PTPRD: variants seen among roughly 807,000 people sequenced by gnomAD.
The protein encoded by PTPRD is receptor-type tyrosine-protein phosphatase delta.
A neutral mutation model predicts 214.5 loss-of-function variants in PTPRD; 34 were observed. The ratio of observed to expected loss-of-function variants is 0.16; its 90% CI spans 0.12 to 0.21. The LOEUF is 0.21. Among genes scored for constraint, PTPRD ranks in the 10% least tolerant of loss-of-function variants. PTPRD has a pLI of 1.00. For missense variants in PTPRD, 2,545 were observed against 2,398.7 expected (o/e 1.06, Z -1.27); for synonymous variants, 1,128 against 845.7 (o/e 1.33, Z -5.79).
chr9:9,025,378 AC>A (rs1311537729), intron 10 of PTPRD, among the ~76,000 whole-genome samples: 1 of 152,016 alleles, frequency 6.6e-6, no homozygotes, highest in Non-Finnish European at 1.5e-5. Flanking sequence ...ATAGAATGTG[AC>A]TTCTTTGAGC....
chr9:10,539,008 G>C (rs1260254185), intron 2 of PTPRD, among the ~76,000 whole-genome samples: 2 of 152,030 alleles, frequency 1.3e-5, no homozygotes, highest in African/African-American at 4.8e-5. Context: ...GTAAAGTTTT[G>C]GTAATGGCTC....
intron 8 of PTPRD, among the ~76,000 whole-genome samples, chr9:9,404,041 C>T (rs939852347): frequency 1.9e-4 from 29 of 151,718 alleles, no homozygotes; most frequent in Admixed American, 1.9e-3. Flanking sequence ...GACTTGTGTA[C>T]ACTTATATTC....
intron 12 of PTPRD, among the ~76,000 whole-genome samples, chr9:8,690,095 G>A (rs1398309987): frequency 7.0e-6 from 1 of 143,082 alleles, no homozygotes; most frequent in Non-Finnish European, 1.5e-5. Flanking sequence ...GAGTTACAGC[G>A]AGACTCCATC....
intron 5 of PTPRD, among the ~76,000 whole-genome samples, chr9:9,925,013 C>A (rs60587294): frequency 6.6e-6 from 1 of 151,880 alleles, no homozygotes; most frequent in African/African-American, 2.4e-5. Context: ...TAGTCAATAC[C>A]GAGTAGCAAT....
At position 8,331,736 on chromosome 9, in the gene PTPRD, C is replaced by G. The variant is rs2131656917; in HGVS notation, c.5380G>C (p.Asp1794His). ...LREFKVTDARDGQSRTVRQFQ... is the reference protein window; with the variant it reads ...LREFKVTDARHGQSRTVRQFQ... ...TGCCTTACTGTTCGGGACTGGCCGTCCTTTAGAAGGAAAGCCACATACCCG... is the reference window on the plus strand; with the variant it reads ...TGCCTTACTGTTCGGGACTGGCCGTGCTTTAGAAGGAAAGCCACATACCCG... Residue 1794 changes from aspartate (D) to histidine (H), a missense_variant and splice_region_variant, in exon 44 of 46, where the codon GAC becomes CAC. Transcript: ENST00000381196. 6.3e-7 allele frequency: 1 copy of G among 1,585,564 alleles called. No individual in the cohort carries two copies. Among genetic ancestry groups the G allele is most frequent in the Non-Finnish European group, 8.6e-7 (1 of 1,167,266 alleles).
intron 12 of PTPRD, among the ~76,000 whole-genome samples, chr9:8,644,705 C>T (rs1292557803): frequency 6.6e-6 from 1 of 152,176 alleles, no homozygotes; most frequent in African/African-American, 2.4e-5. Flanking sequence ...CGCTGCCTCA[C>T]GGAGAACTGG....
chr9:8,653,769 G>T (rs2096857837), intron 12 of PTPRD, among the ~76,000 whole-genome samples: 1 of 152,146 alleles, frequency 6.6e-6, no homozygotes, highest in Non-Finnish European at 1.5e-5. Context: ...CATCAAACAT[G>T]AACTTGATGG....
chr9:9,272,299 G>C (rs1043168077), intron 9 of PTPRD, among the ~76,000 whole-genome samples: 25 of 151,162 alleles, frequency 1.7e-4, no homozygotes, highest in African/African-American at 4.6e-4. Context: ...TTAAATGTCG[G>C]AATTAGACTA....
intron 11 of PTPRD, among the ~76,000 whole-genome samples, chr9:8,958,210 G>A (rs1404265213): frequency 6.6e-6 from 1 of 151,846 alleles, no homozygotes; most frequent in East Asian, 1.9e-4. Context: ...TGTATCTGGA[G>A]ACTCATGATG....
At chr9:9,112,063 C>G (rs185129686) in intron 10 of PTPRD, among the ~76,000 whole-genome samples, 1 of 152,164 alleles carries the variant, frequency 6.6e-6, no homozygotes, top group Admixed American at 6.6e-5. Context: ...TCTGCTTTTA[C>G]TGCTGCCCCA....
chr9:10,176,914 T>A (rs189354835), intron 3 of PTPRD, among the ~76,000 whole-genome samples: 1 of 151,992 alleles, frequency 6.6e-6, no homozygotes, highest in Non-Finnish European at 1.5e-5. Context: ...CACATTCTTA[T>A]AAAAGACAAA....
intron 3 of PTPRD, among the ~76,000 whole-genome samples, chr9:10,054,122 C>T (rs1323023384): frequency 6.6e-6 from 1 of 152,046 alleles, no homozygotes; most frequent in African/African-American, 2.4e-5. Context: ...AAAAACTTGT[C>T]ACCTGTCTAC....
chr9:10,384,218 A>G (rs2097871897), intron 2 of PTPRD, among the ~76,000 whole-genome samples: 1 of 151,882 alleles, frequency 6.6e-6, no homozygotes, highest in Non-Finnish European at 1.5e-5. Flanking sequence ...GCTTGAAGGA[A>G]TGGATATACT....
At chr9:8,668,029 GT>G (rs2097203637) in intron 12 of PTPRD, among the ~76,000 whole-genome samples, 1 of 152,062 alleles carries the variant, frequency 6.6e-6, no homozygotes, top group South Asian at 2.1e-4. Flanking sequence ...AAATCATGGG[GT>G]TAAGTTGGTC....
chr9:8,558,365 C>A (rs1406954746), intron 14 of PTPRD, among the ~76,000 whole-genome samples: 1 of 152,180 alleles, frequency 6.6e-6, no homozygotes, highest in Non-Finnish European at 1.5e-5. Context: ...TGATTCATCA[C>A]CAAGAAGCAG....
intron 3 of PTPRD, among the ~76,000 whole-genome samples, chr9:10,105,786 T>C (rs565254440): frequency 2.0e-5 from 3 of 151,766 alleles, no homozygotes; most frequent in South Asian, 2.1e-4. Flanking sequence ...CAAGTGAAAG[T>C]GTAGTCTCTC....
chr9:9,491,137 G>A (rs972888828), intron 8 of PTPRD, among the ~76,000 whole-genome samples: 1 of 151,984 alleles, frequency 6.6e-6, no homozygotes, highest in Non-Finnish European at 1.5e-5. Context: ...GCAAAAGAGA[G>A]CAGGGGGTGG....
chr9:9,117,880 TA>T lies in PTPRD; in HGVS notation c.-143+65423del, dbSNP rs562564705. On this transcript the variant is annotated intron_variant, in intron 10 of 45. Transcript: ENST00000381196. ...ATGTATGGTAGAGGCAAAGAAAATT[TA>T]AAAAAAAAAATGAAGGGATGGATCC... Among the ~76,000 whole-genome samples, 834 of 148,288 alleles carry T rather than the reference TA, an allele frequency of 5.6e-3. 6 individuals are homozygous for T. Among genetic ancestry groups the T allele is most frequent in the African/African-American group, 0.017 (698 of 40,660 alleles).
At chr9:10,457,470 G>T (rs1009317771) in intron 2 of PTPRD, among the ~76,000 whole-genome samples, 1 of 151,966 alleles carries the variant, frequency 6.6e-6, no homozygotes, top group East Asian at 1.9e-4. Flanking sequence ...GTCTTCACGT[G>T]TATTAGTAGT....
Sources: gnomAD v4.1 joint callset for allele counts (sites outside exome capture counted in the v4.1 genomes callset) on GRCh38, gnomAD v4.1.1 for gene constraint, MANE v1.5 for transcripts, NCBI Gene and HGNC (gene_info 2026-07-23, HGNC 2026-07-21) for gene names.